SHISA6: variants seen among roughly 807,000 people sequenced by gnomAD.
The protein encoded by SHISA6 is shisa family member 6.
SHISA6 carries 22 observed loss-of-function variants against 47.9 expected under a neutral mutation model. The ratio of observed to expected loss-of-function variants is 0.46; its 90% CI spans 0.33 to 0.66. The LOEUF is 0.66. Ranked by LOEUF, SHISA6 falls within the 30% of genes least tolerant of loss-of-function variation. The pLI is 0.02. For missense variants in SHISA6, 680 were observed against 764.6 expected (o/e 0.89, Z 1.30); for synonymous variants, 388 against 337.8 (o/e 1.15, Z -1.63).
At chr17:11,404,697 A>C (rs937383410) in intron 3 of SHISA6, among the ~76,000 whole-genome samples, 3 of 152,026 alleles carry the variant, frequency 2.0e-5, no homozygotes, top group African/African-American at 7.2e-5. Context: ...TGTACACTAC[A>C]CCCCCACGTA....
intron 2 of SHISA6, among the ~76,000 whole-genome samples, chr17:11,307,153 C>CT (rs1910146448): frequency 8.0e-6 from 1 of 124,542 alleles, no homozygotes; most frequent in Non-Finnish European, 1.8e-5. Flanking sequence ...CTTTTTTTTT[C>CT]TTTTTTTCTT....
At chr17:11,351,072 A>G (rs1911873817) in intron 2 of SHISA6, among the ~76,000 whole-genome samples, 1 of 152,132 alleles carries the variant, frequency 6.6e-6, no homozygotes. Flanking sequence ...GTTCTCACTC[A>G]TAAGTGGGAG....
chr17:11,488,868 A>C lies in SHISA6; in HGVS notation c.896-63028A>C, dbSNP rs186148631. Among the ~76,000 whole-genome samples the C allele has an allele frequency of 3.3e-5, 5 of 152,340 alleles. No homozygotes were observed. The East Asian group carries it at 7.7e-4, about 24-fold the overall frequency. On this transcript the variant is annotated intron_variant, in intron 3 of 5. Coordinates refer to ENST00000441885, the MANE Select transcript of SHISA6 (RefSeq NM_207386.4). ...ACTTCTGAAGCCACATGGCCAGAGA[A>C]TGGCAAATGGATGGTTCCTCAAAGA... is the stretch of plus-strand genomic sequence containing the variant.
chr17:11,366,075 A>G (rs1389057717), intron 2 of SHISA6, among the ~76,000 whole-genome samples: 2 of 152,242 alleles, frequency 1.3e-5, no homozygotes, highest in African/African-American at 4.8e-5. Flanking sequence ...TAGGGAGCCA[A>G]GGGAAAAGTG....
chr17:11,423,371 A>T (rs1028697035), intron 3 of SHISA6, among the ~76,000 whole-genome samples: 1 of 150,042 alleles, frequency 6.7e-6, no homozygotes, highest in African/African-American at 2.5e-5. Context: ...AGATAGATAT[A>T]TGCATGCCTA....
At chr17:11,407,540 A>C (rs936853299) in intron 3 of SHISA6, among the ~76,000 whole-genome samples, 5 of 152,000 alleles carry the variant, frequency 3.3e-5, no homozygotes, top group African/African-American at 1.2e-4. Flanking sequence ...ACATAGAGCC[A>C]TACCCATCTC....
At chr17:11,265,651 CTTG>C (rs1470444108) in intron 2 of SHISA6, among the ~76,000 whole-genome samples, 5 of 152,254 alleles carry the variant, frequency 3.3e-5, no homozygotes, top group East Asian at 1.9e-4. Context: ...CCACCAGAAC[CTTG>C]TTGTGACTCT....
chr17:11,467,659 G>A (rs62062117), intron 3 of SHISA6, among the ~76,000 whole-genome samples: 9,909 of 152,168 alleles, frequency 0.065, 393 homozygotes, highest in Non-Finnish European at 0.089. Flanking sequence ...CCTCTTAACT[G>A]GTTCTCACCT....
chr17:11,480,489 G>T (rs1025349009), intron 3 of SHISA6, among the ~76,000 whole-genome samples: 1 of 152,184 alleles, frequency 6.6e-6, no homozygotes, highest in Non-Finnish European at 1.5e-5. Flanking sequence ...CCAGGAGAAG[G>T]AAGGTATGGC....
Position 11,263,437 on chromosome 17 carries a change from C to T in SHISA6, c.710C>T (p.Ala237Val). The T allele has an allele frequency of 6.4e-7, 1 of 1,551,890 alleles. No homozygotes were observed. The highest frequency in any genetic ancestry group is 2.4e-5 in the East Asian group (1 of 40,900). The part of the protein sequence containing the change: ...IAHCERETIS[A>V]IDTSPKENTP... The stretch of plus-strand genomic sequence containing the variant: ...CACTGTGAAAGAGAAACTATCTCGG[C>T]TATCGATACCTCTCCCAAAGAGAAC... The change falls in exon 2 of 6, where the codon GCT becomes GTT. Residue 237 changes from alanine (A) to valine (V), a missense_variant. Around this residue, in one of 2 missense-constraint regions of SHISA6, gnomAD observed 559 missense variants for 674.1 expected, o/e 0.83. Coordinates refer to ENST00000441885, the MANE Select transcript of SHISA6 (RefSeq NM_207386.4).
chr17:11,241,641 G>A lies in SHISA6; in HGVS notation c.219G>A (p.Arg73=), dbSNP rs1342488224. ...CCGGAATCCCGGAGGCGGGAAGCCGGCGGGGGCAGCCCGCGGCGGCTGTGG... is the reference window on the plus strand; with the variant it reads ...CCGGAATCCCGGAGGCGGGAAGCCGACGGGGGCAGCCCGCGGCGGCTGTGG... ...RAPGIPEAGS[R]RGQPAAAVAA... Residue 73 remains arginine, a synonymous_variant, in exon 1 of 6, where the codon CGG becomes CGA. Transcript: ENST00000441885. The surrounding 1 kb of genome is among the most constrained non-coding windows in gnomAD (Gnocchi z 5.5). 1.4e-6 allele frequency: 2 copies of A among 1,381,718 alleles called. No individual in the cohort carries two copies. The highest frequency in any genetic ancestry group is 1.5e-5 in the African/African-American group (1 of 65,516). The allele number at this position is 1,381,718 out of a possible 1,614,324, so 85.6% of individuals were successfully genotyped here. A position where few individuals can be genotyped will look rare whatever the true frequency, so the allele number is the denominator to read the frequency against.
chr17:11,314,388 A>G (rs1910435332), intron 2 of SHISA6, among the ~76,000 whole-genome samples: 2 of 152,100 alleles, frequency 1.3e-5, no homozygotes, highest in South Asian at 2.1e-4. Context: ...TATTGGGGGA[A>G]AAAACTTTAG....
At chr17:11,480,188 C>T (rs1199427960) in intron 3 of SHISA6, among the ~76,000 whole-genome samples, 1 of 152,094 alleles carries the variant, frequency 6.6e-6, no homozygotes, top group Non-Finnish European at 1.5e-5. Context: ...GTAAGAGTCC[C>T]ACAGTCCTAG....
intron 2 of SHISA6, among the ~76,000 whole-genome samples, chr17:11,296,273 G>T (rs148541047): frequency 6.6e-6 from 1 of 152,134 alleles, no homozygotes; most frequent in South Asian, 2.1e-4. Context: ...GGGCTGAGGG[G>T]CACAGGAGTG....
intron 3 of SHISA6, among the ~76,000 whole-genome samples, chr17:11,465,608 A>C (rs1253994307): frequency 6.6e-6 from 1 of 152,094 alleles, no homozygotes; most frequent in African/African-American, 2.4e-5. Context: ...TACTGCCCCC[A>C]GGAGATCTGA....
chr17:11,275,489 T>C (rs1908855108), intron 2 of SHISA6, among the ~76,000 whole-genome samples: 1 of 152,154 alleles, frequency 6.6e-6, no homozygotes, highest in East Asian at 1.9e-4. Flanking sequence ...GCGTCAGCAA[T>C]ACAGTGAACA....
chr17:11,500,783 A>G (rs1597553888), intron 3 of SHISA6, among the ~76,000 whole-genome samples: 1 of 152,186 alleles, frequency 6.6e-6, no homozygotes, highest in East Asian at 1.9e-4. Context: ...GGTGTGTTGC[A>G]ATTCCCATCA....
intron 3 of SHISA6, among the ~76,000 whole-genome samples, chr17:11,427,012 T>C (rs557712603): frequency 8.5e-5 from 13 of 152,308 alleles, no homozygotes; most frequent in African/African-American, 3.1e-4. Flanking sequence ...CTTAGTGTTA[T>C]GTTTATAAAT....
rs1438632118 is a variant in SHISA6, at chr17:11,388,832, A to T, written c.895+9323A>T. ...TATATATATATATATATATATATAT[A>T]TATATATATTTTAAAAAAGGTAAAA... On this transcript the variant is annotated intron_variant, in intron 3 of 5. Transcript: ENST00000441885. Among the ~76,000 whole-genome samples, 340 of 96,136 alleles carry T rather than the reference A, an allele frequency of 3.5e-3. 8 individuals are homozygous for T. Among genetic ancestry groups the T allele is most frequent in the South Asian group, 0.019 (55 of 2,970 alleles). 63.1% of individuals were successfully genotyped at this position (96,136 alleles called of 152,430 possible). A position where few individuals can be genotyped will look rare whatever the true frequency, so the allele number is the denominator to read the frequency against.
Sources: gnomAD v4.1 joint callset for allele counts (sites outside exome capture counted in the v4.1 genomes callset) on GRCh38, gnomAD v4.1.1 for gene constraint, gnomAD v4.1.1 regional missense constraint, Gnocchi (gnomAD v3.1) non-coding constraint, MANE v1.5 for transcripts, NCBI Gene and HGNC (gene_info 2026-07-23, HGNC 2026-07-21) for gene names.